Variants in MRPS10 observed in about 807,000 individuals in gnomAD.
MRPS10 encodes the protein small ribosomal subunit protein uS10m.
MRPS10 carries 23 observed loss-of-function variants against 27.5 expected under a neutral mutation model. The observed-to-expected ratio is 0.84, with a 90% CI of 0.60 to 1.18. The LOEUF is 1.18. Ranked by LOEUF, MRPS10 falls within the 50% of genes most tolerant of loss-of-function variation. The pLI is 0.00. For synonymous variants in MRPS10, 88 were observed against 84.2 expected (o/e 1.04, Z -0.25); for missense variants, 237 against 240.1 (o/e 0.99, Z 0.09).
Position 42,208,863 on chromosome 6 carries a change from T to A in MRPS10, c.517A>T (p.Thr173Ser). The A allele has an allele frequency of 6.2e-7, 1 of 1,602,592 alleles. No individual in the cohort carries two copies. The change falls in exon 6 of 7, where the codon ACA (threonine) becomes TCA (serine). Residue 173 changes from threonine to serine, a missense_variant. Physicochemically the swap from Thr to Ser is moderately conservative, Grantham distance 58 (BLOSUM62 1). This residue lies in a region of MRPS10 where 62 missense variants were observed against 68.2 expected (regional missense o/e 0.91). Coordinates refer to ENST00000053468, the MANE Select transcript of MRPS10 (RefSeq NM_018141.4). The stretch of plus-strand genomic sequence containing the variant: ...GGCAGAAATTCAAGCTATACCTTTG[T>A]TACTTCCATGGCAACCCCTTCAGGT... ...NLPEGVAMEVTKTQLEQLPEH... is the reference protein window; with the variant it reads ...NLPEGVAMEVSKTQLEQLPEH...
chr6:42,210,856 CCTG>C (rs924633570), intron 4 of MRPS10, among the ~76,000 whole-genome samples: 245 of 152,346 alleles, frequency 1.6e-3, no homozygotes, highest in African/African-American at 5.6e-3. Context: ...TACACACACA[CCTG>C]CTGCTTTTAC....
chr6:42,210,956 C>T (rs1011223275), intron 4 of MRPS10, among the ~76,000 whole-genome samples: 2 of 152,210 alleles, frequency 1.3e-5, no homozygotes, highest in Non-Finnish European at 2.9e-5. Context: ...TGCTGTATGT[C>T]TGTTGTTTTA....
intron 1 of MRPS10, among the ~76,000 whole-genome samples, chr6:42,216,385 A>AGAGT: frequency 4.4e-4 from 26 of 58,702 alleles, no homozygotes; most frequent in African/African-American, 1.2e-3. Flanking sequence ...AGAGAGAGAG[A>AGAGT]GTGTGTGTGT....
At position 42,211,575 on chromosome 6, in the gene MRPS10, G is replaced by A. The variant is rs142532969; in HGVS notation, c.323+206C>T. 1.3e-4 allele frequency among the ~76,000 whole-genome samples: 19 copies of A among 151,966 alleles called. No homozygotes were observed. In the East Asian group the frequency reaches 3.7e-3, roughly 29 times the overall value. On this transcript the variant is annotated intron_variant, in intron 4 of 6. Coordinates refer to ENST00000053468, the MANE Select transcript of MRPS10 (RefSeq NM_018141.4). ...ATGCGCCTGTAGTCCCAGCTATTCG[G>A]GAGGCTGAGAACTGCTTGAACCCAG...
At chr6:42,217,705 T>C (rs956848334) in intron 1 of MRPS10, 97 bp downstream of exon 1, 1 of 1,305,774 alleles carries the variant, frequency 7.7e-7, no homozygotes, top group African/African-American at 1.5e-5. Context: ...GGGATAAATA[T>C]CAGGAAAAAT....
chr6:42,216,031 T>C (rs1454306908), intron 1 of MRPS10, among the ~76,000 whole-genome samples: 1 of 53,876 alleles, frequency 1.9e-5, no homozygotes, highest in Non-Finnish European at 4.6e-5. Context: ...CTTTTCTTTT[T>C]TTTTTTTTTT....
At chr6:42,214,223 G>A (rs750586517) in intron 2 of MRPS10, 31 bp from the exon 3 acceptor site, 47 of 1,605,778 alleles carry the variant, frequency 2.9e-5, no homozygotes, top group African/African-American at 4.0e-5. Flanking sequence ...AGAAACCTAA[G>A]TAAAATAGCA....
At chr6:42,217,364 C>T (rs1362408524) in intron 1 of MRPS10, among the ~76,000 whole-genome samples, 1 of 152,196 alleles carries the variant, frequency 6.6e-6, no homozygotes, top group Non-Finnish European at 1.5e-5. Flanking sequence ...ATCTAACCCA[C>T]TTCTCTGGCT....
intron 3 of MRPS10, among the ~76,000 whole-genome samples, chr6:42,212,584 A>G (rs1768814785): frequency 6.6e-6 from 1 of 152,182 alleles, no homozygotes; most frequent in East Asian, 1.9e-4. Context: ...CTTCCACCCT[A>G]ATACCTAAAG....
chr6:42,210,487 C>T lies in MRPS10; in HGVS notation c.432+1G>A, dbSNP rs1303350791. 1 of 1,413,922 alleles carries T rather than the reference C, an allele frequency of 7.1e-7. No homozygotes were observed. The highest frequency in any genetic ancestry group is 1.5e-5 in the African/African-American group (1 of 67,640). 87.6% of individuals were successfully genotyped at this position (1,413,922 alleles called of 1,614,324 possible). On this transcript the variant is annotated splice_donor_variant, in intron 5 of 6. Transcript: ENST00000053468. LOFTEE classifies it high-confidence loss of function. ...TGCCAGAATTTCTCAAATACACTCA[C>T]CTCTAAACATCTGTAAAGTGTTCTC...
rs140899247 is a variant in MRPS10 at position 42,217,835 on chromosome 6, T to C, written c.15A>G (p.Thr5=). The C allele has an allele frequency of 1.2e-3, 1,980 of 1,614,156 alleles. 2 individuals carry two copies. The highest frequency in any genetic ancestry group is 1.5e-3 in the Non-Finnish European group (1,722 of 1,180,012). The stretch of plus-strand genomic sequence containing the variant: ...GGCGCCGGCACACAGCACCGAACGC[T>C]GTCCGCGCCGCCATCTTGCCGGTCC... MAAR[T]AFGAVCRRLW... is the part of the protein sequence containing the mutation. The change falls in exon 1 of 7, where the codon ACA becomes ACG. Residue 5 remains threonine, a synonymous_variant. Transcript: ENST00000053468.
chr6:42,210,895 T>C (rs1378876731), intron 4 of MRPS10, among the ~76,000 whole-genome samples: 1 of 152,204 alleles, frequency 6.6e-6, no homozygotes, highest in African/African-American at 2.4e-5. Context: ...ATTGACCAAA[T>C]ATATTAATTG....
chr6:42,208,998 G>T, intron 5 of MRPS10, 51 bp from the exon 6 acceptor site: 2 of 1,122,820 alleles, frequency 1.8e-6, no homozygotes, highest in Non-Finnish European at 2.5e-6. Flanking sequence ...GTTAAAGCAC[G>T]GTTTTTTGTT....
intron 1 of MRPS10, among the ~76,000 whole-genome samples, chr6:42,216,413 TTGG>T (rs1768943585): frequency 7.8e-6 from 1 of 128,366 alleles, no homozygotes; most frequent in Admixed American, 8.1e-5. Flanking sequence ...TGTGTGTGTG[TTGG>T]GGGAGTGGTG....
At chr6:42,211,673 C>CAAAAA in intron 4 of MRPS10, 108 bp downstream of exon 4, 24 of 674,832 alleles carry the variant, frequency 3.6e-5, no homozygotes, top group South Asian at 7.9e-5. Context: ...GACTCTGTCT[C>CAAAAA]AAAAAAAAAA....
At chr6:42,211,673 C>A (rs369781530) in intron 4 of MRPS10, 108 bp downstream of exon 4, 464 of 675,754 alleles carry the variant, frequency 6.9e-4, no homozygotes, top group African/African-American at 3.0e-3. Context: ...GACTCTGTCT[C>A]AAAAAAAAAA....
intron 6 of MRPS10, 60 bp downstream of exon 6, chr6:42,208,798 C>G (rs542204303): frequency 1.7e-6 from 2 of 1,195,684 alleles, no homozygotes; most frequent in Non-Finnish European, 1.2e-6. Flanking sequence ...TGTATCAAAA[C>G]AACAATACAG....
intron 1 of MRPS10, 63 bp downstream of exon 1, chr6:42,217,739 G>T: frequency 6.5e-7 from 1 of 1,546,504 alleles, no homozygotes; most frequent in East Asian, 2.3e-5. Flanking sequence ...GCGGCTGGTG[G>T]CAGGGAAACT....
intron 6 of MRPS10, among the ~76,000 whole-genome samples, 179 bp downstream of exon 6, chr6:42,208,679 G>A (rs1768680716): frequency 6.6e-6 from 1 of 152,156 alleles, no homozygotes; most frequent in African/African-American, 2.4e-5. Context: ...TGAAATGGCA[G>A]GATTCTGTTG....
Sources: gnomAD v4.1 joint callset for allele counts (sites outside exome capture counted in the v4.1 genomes callset) on GRCh38, gnomAD v4.1.1 for gene constraint, gnomAD v4.1.1 regional missense constraint, MANE v1.5 for transcripts, NCBI Gene and HGNC (gene_info 2026-07-23, HGNC 2026-07-21) for gene names.